PAQR5: variants seen among roughly 807,000 people sequenced by gnomAD.
PAQR5 encodes membrane progestin receptor gamma.
A neutral mutation model predicts 34.5 loss-of-function variants in PAQR5; 20 were observed. That is an observed-to-expected ratio of 0.58 (90% CI 0.41 to 0.84). The LOEUF is 0.84. Among genes scored for constraint, PAQR5 ranks in the 40% least tolerant of loss-of-function variants. The pLI is 0.00. For missense variants in PAQR5, 378 were observed against 412.7 expected (o/e 0.92, Z 0.73); for synonymous variants, 131 against 155.6 (o/e 0.84, Z 1.18).
intron 2 of PAQR5, among the ~76,000 whole-genome samples, chr15:69,338,635 C>T (rs184829794): frequency 1.3e-5 from 2 of 152,312 alleles, no homozygotes; most frequent in Admixed American, 1.3e-4. Context: ...CTTCTCCTAT[C>T]TTCATAGCCT....
chr15:69,390,493 G>T (rs986655424), intron 6 of PAQR5, among the ~76,000 whole-genome samples: 38 of 152,010 alleles, frequency 2.5e-4, no homozygotes, highest in African/African-American at 8.4e-4. Flanking sequence ...TGAACAGGGA[G>T]GTCCCTGCTC....
At chr15:69,321,857 G>A (rs1389637462) in intron 1 of PAQR5, among the ~76,000 whole-genome samples, 1 of 152,108 alleles carries the variant, frequency 6.6e-6, no homozygotes, top group Non-Finnish European at 1.5e-5. Context: ...GGGCACCACG[G>A]GCACAGCAAT....
rs1205469642 is a variant in PAQR5, at chr15:69,397,576, C to T, written c.609+12C>T. The T allele has an allele frequency of 1.3e-6, 2 of 1,522,718 alleles. No homozygotes were observed. The highest frequency in any genetic ancestry group is 1.1e-5 in the South Asian group (1 of 89,224). 94.3% of individuals were successfully genotyped at this position (1,522,718 alleles called of 1,614,324 possible). A position where few individuals can be genotyped will look rare whatever the true frequency, so the allele number is the denominator to read the frequency against. On this transcript the variant is annotated intron_variant, in intron 7 of 8. Transcript: ENST00000395407. Reference sequence around the variant, plus strand: ...CCATCTTCTACAGGGTAAGGACTGGCTGCATCTCCTCTCTGCCTGTTGGCA... The same window carrying T: ...CCATCTTCTACAGGGTAAGGACTGGTTGCATCTCCTCTCTGCCTGTTGGCA...
At chr15:69,396,567 TG>T (rs1478356799) in intron 6 of PAQR5, among the ~76,000 whole-genome samples, 2 of 152,156 alleles carry the variant, frequency 1.3e-5, no homozygotes, top group African/African-American at 4.8e-5. Context: ...AGCATTGATG[TG>T]GGGACTTTAC....
intron 6 of PAQR5, 86 bp from the exon 7 acceptor site, chr15:69,397,382 G>C (rs2056473701): frequency 2.3e-6 from 2 of 871,178 alleles, no homozygotes; most frequent in Non-Finnish European, 2.0e-6. Flanking sequence ...TTGATGACCA[G>C]GCCCTCGGTG....
At chr15:69,309,507 G>C (rs2053784783) in intron 1 of PAQR5, among the ~76,000 whole-genome samples, 2 of 152,178 alleles carry the variant, frequency 1.3e-5, no homozygotes, top group South Asian at 2.1e-4. Flanking sequence ...GACGTGAGGA[G>C]AGAGTGAAGA....
chr15:69,335,550 T>G (rs1488196413), intron 1 of PAQR5, among the ~76,000 whole-genome samples: 3 of 131,304 alleles, frequency 2.3e-5, no homozygotes, highest in Non-Finnish European at 3.3e-5. Context: ...CAGTTTTTTT[T>G]TTTTTTTTTT....
At chr15:69,371,742 C>G (rs1310660531) in intron 3 of PAQR5, among the ~76,000 whole-genome samples, 1 of 152,060 alleles carries the variant, frequency 6.6e-6, no homozygotes, top group Non-Finnish European at 1.5e-5. Context: ...TTAGAAAAGT[C>G]CTATACATAT....
At chr15:69,402,114 C>A (rs1184061774) in intron 8 of PAQR5, among the ~76,000 whole-genome samples, 1 of 152,308 alleles carries the variant, frequency 6.6e-6, no homozygotes, top group Non-Finnish European at 1.5e-5. Context: ...GCTGCCATAA[C>A]AAAGTATCAC....
At chr15:69,309,688 T>C (rs2053788934) in intron 1 of PAQR5, among the ~76,000 whole-genome samples, 1 of 152,152 alleles carries the variant, frequency 6.6e-6, no homozygotes, top group African/African-American at 2.4e-5. Flanking sequence ...ATGCATGCAC[T>C]CTGCCCCTGC....
At chr15:69,327,386 C>T (rs2054278970) in intron 1 of PAQR5, among the ~76,000 whole-genome samples, 1 of 151,988 alleles carries the variant, frequency 6.6e-6, no homozygotes, top group Admixed American at 6.6e-5. Context: ...TTGTAGCTAC[C>T]CCACAGTATT....
rs765962875 is a variant in PAQR5, at chr15:69,389,714, AT to A, written c.447del (p.His149GlnfsTer10). 5 of 1,614,108 alleles carry A rather than the reference AT, an allele frequency of 3.1e-6. No homozygotes were observed. The South Asian group carries it at 5.5e-5, about 18-fold the overall frequency. ...GATGCGCTCATGTGCACCACTTTCC[AT>A]GACTACTACGTGGCCCTGGCTGTAC... is the stretch of plus-strand genomic sequence containing the variant. ...FPDALMCTTF[H>X]DYYVALAVLN... On this transcript the variant is annotated frameshift_variant, in exon 6 of 9. Transcript: ENST00000395407. LOFTEE classifies it high-confidence loss of function.
chr15:69,347,257 G>T (rs1221316230), intron 2 of PAQR5, among the ~76,000 whole-genome samples: 1 of 152,148 alleles, frequency 6.6e-6, no homozygotes, highest in East Asian at 1.9e-4. Flanking sequence ...GAAACAGGAG[G>T]GTCAAGTTGG....
At chr15:69,320,882 G>GA in intron 1 of PAQR5, among the ~76,000 whole-genome samples, 1 of 152,092 alleles carries the variant, frequency 6.6e-6, no homozygotes, top group East Asian at 1.9e-4. Flanking sequence ...AAATTTTCTA[G>GA]AAAAAGCTTT....
intron 2 of PAQR5, among the ~76,000 whole-genome samples, chr15:69,350,179 G>T (rs944659083): frequency 3.9e-5 from 6 of 152,240 alleles, no homozygotes; most frequent in Admixed American, 6.5e-5. Flanking sequence ...GGCAAAGTGG[G>T]TATAGTTATG....
intron 1 of PAQR5, among the ~76,000 whole-genome samples, chr15:69,322,075 T>TTTTCTTGTTTGAACATAAAGTGTGAACC (rs1555413612): frequency 1.4e-5 from 2 of 139,298 alleles, no homozygotes; most frequent in Admixed American, 7.4e-5. Context: ...ACTGGTGGCT[T>TTTTCTTGTTTGAACATAAAGTGTGAACC]ATGCCTGTAA....
chr15:69,352,965 T>C (rs2054962028), intron 2 of PAQR5, among the ~76,000 whole-genome samples: 1 of 152,210 alleles, frequency 6.6e-6, no homozygotes. Flanking sequence ...AGGAGGACTT[T>C]AATAATCAAG....
Position 69,352,467 on chromosome 15 carries a change from A to G in PAQR5, c.-115-7499A>G, listed in dbSNP as rs1217157190. Among the ~76,000 whole-genome samples the G allele has an allele frequency of 3.3e-5, 5 of 152,370 alleles. No individual in the cohort carries two copies. In the East Asian group the frequency reaches 9.6e-4, roughly 29 times the overall value. Reference sequence around the variant, plus strand: ...CAAGTAAGTTATATGAAGAAGTGACACAAATGCCCATGGTTTCTACTCCTG... The same window carrying G: ...CAAGTAAGTTATATGAAGAAGTGACGCAAATGCCCATGGTTTCTACTCCTG... On this transcript the variant is annotated intron_variant, in intron 2 of 8. Transcript: ENST00000395407.
intron 2 of PAQR5, among the ~76,000 whole-genome samples, chr15:69,354,973 C>T (rs2055018316): frequency 6.6e-6 from 1 of 152,198 alleles, no homozygotes; most frequent in Admixed American, 6.5e-5. Flanking sequence ...CTCCACCCCG[C>T]AGAGTTCTCA....
Sources: gnomAD v4.1 joint callset for allele counts (sites outside exome capture counted in the v4.1 genomes callset) on GRCh38, gnomAD v4.1.1 for gene constraint, MANE v1.5 for transcripts, NCBI Gene and HGNC (gene_info 2026-07-23, HGNC 2026-07-21) for gene names.